Variants in PLXDC2 observed in about 807,000 individuals in gnomAD.
PLXDC2 encodes the protein plexin domain-containing protein 2.
PLXDC2 carries 40 observed loss-of-function variants against 68.9 expected under a neutral mutation model. The observed-to-expected ratio is 0.58, with a 90% CI of 0.45 to 0.76. PLXDC2 has a LOEUF of 0.76. PLXDC2 is among the 30% of genes least tolerant of loss of function. The pLI is 0.00. For missense variants in PLXDC2, 644 were observed against 661.9 expected (o/e 0.97, Z 0.30); for synonymous variants, 243 against 234.2 (o/e 1.04, Z -0.34).
intron 10 of PLXDC2, among the ~76,000 whole-genome samples, chr10:20,212,468 C>A (rs1289210501): frequency 6.6e-6 from 1 of 152,074 alleles, no homozygotes; most frequent in East Asian, 1.9e-4. Flanking sequence ...TTTATACTAT[C>A]ATTTCAAGAT....
At chr10:20,230,385 A>G (rs1174427562) in intron 12 of PLXDC2, among the ~76,000 whole-genome samples, 1 of 152,112 alleles carries the variant, frequency 6.6e-6, no homozygotes, top group Non-Finnish European at 1.5e-5. Context: ...AAGGAAAAAA[A>G]GGTGCCAGGC....
intron 13 of PLXDC2, among the ~76,000 whole-genome samples, chr10:20,250,596 T>C (rs1835663467): frequency 6.6e-6 from 1 of 152,166 alleles, no homozygotes; most frequent in African/African-American, 2.4e-5. Flanking sequence ...AGTCAGGATT[T>C]AAGCCCAGGC....
intron 1 of PLXDC2, among the ~76,000 whole-genome samples, chr10:19,818,149 G>GA (rs1317594618): frequency 1.3e-5 from 2 of 151,116 alleles, no homozygotes; most frequent in Admixed American, 6.6e-5. Context: ...AAAGAAAAAA[G>GA]AAAAAACTTG....
intron 13 of PLXDC2, among the ~76,000 whole-genome samples, chr10:20,279,268 C>T (rs1462344008): frequency 1.3e-5 from 2 of 152,078 alleles, no homozygotes; most frequent in Admixed American, 1.3e-4. Context: ...AATTTTTTGA[C>T]CTTAGTTTTT....
intron 3 of PLXDC2, among the ~76,000 whole-genome samples, chr10:20,048,516 A>G (rs1835836553): frequency 6.6e-6 from 1 of 152,116 alleles, no homozygotes; most frequent in Non-Finnish European, 1.5e-5. Context: ...TCTTTCTGGG[A>G]TCTATTGCAT....
At chr10:20,203,267 T>G (rs1834944541) in intron 9 of PLXDC2, among the ~76,000 whole-genome samples, 2 of 150,920 alleles carry the variant, frequency 1.3e-5, no homozygotes, top group Admixed American at 1.3e-4. Flanking sequence ...TTGCCTATTA[T>G]TTGGAGGAGA....
chr10:20,120,925 C>G (rs1352462029), intron 4 of PLXDC2, among the ~76,000 whole-genome samples: 1 of 152,096 alleles, frequency 6.6e-6, no homozygotes, highest in African/African-American at 2.4e-5. Flanking sequence ...ATCAATAAAT[C>G]AAGCATGATC....
intron 4 of PLXDC2, among the ~76,000 whole-genome samples, chr10:20,127,065 G>A (rs1227115250): frequency 6.6e-6 from 1 of 151,790 alleles, no homozygotes; most frequent in Non-Finnish European, 1.5e-5. Flanking sequence ...AAATTATTGG[G>A]ATACATTAGA....
intron 7 of PLXDC2, among the ~76,000 whole-genome samples, chr10:20,176,608 T>A (rs1834530294): frequency 6.6e-6 from 1 of 152,166 alleles, no homozygotes; most frequent in Non-Finnish European, 1.5e-5. Flanking sequence ...GTGAAACATT[T>A]CTAATTACCC....
At chr10:20,073,200 A>C (rs1460123398) in intron 4 of PLXDC2, among the ~76,000 whole-genome samples, 1 of 152,202 alleles carries the variant, frequency 6.6e-6, no homozygotes, top group Non-Finnish European at 1.5e-5. Flanking sequence ...TTCATGGTGA[A>C]TCCATGCTGT....
intron 12 of PLXDC2, among the ~76,000 whole-genome samples, chr10:20,243,935 T>G (rs993202721): frequency 3.9e-5 from 6 of 152,094 alleles, no homozygotes; most frequent in Non-Finnish European, 7.3e-5. Context: ...GGCAAGCGCC[T>G]GTAATCCCAG....
intron 12 of PLXDC2, among the ~76,000 whole-genome samples, chr10:20,219,415 A>G (rs1835182331): frequency 6.6e-6 from 1 of 152,196 alleles, no homozygotes; most frequent in South Asian, 2.1e-4. Context: ...CTACACAGCT[A>G]CAGGTATTGG....
chr10:19,834,759 A>C (rs1279389061), intron 1 of PLXDC2, among the ~76,000 whole-genome samples: 2 of 152,236 alleles, frequency 1.3e-5, no homozygotes, highest in African/African-American at 4.8e-5. Context: ...CTATACAAAC[A>C]TTTGCTAGAT....
chr10:20,069,174 T>G (rs1418840803), intron 4 of PLXDC2, among the ~76,000 whole-genome samples: 1 of 152,070 alleles, frequency 6.6e-6, no homozygotes, highest in African/African-American at 2.4e-5. Flanking sequence ...TTGCCATACT[T>G]TAATATAAGA....
In PLXDC2 at chr10:20,001,947, G is replaced by T; in HGVS notation, c.285G>T (p.Leu95=). The change falls in exon 2 of 14, where the codon CTG becomes CTT. Residue 95 remains leucine (L), a synonymous_variant. Coordinates refer to ENST00000377252, the MANE Select transcript of PLXDC2 (RefSeq NM_032812.9). ...DSPEPRSFTD[L]LLDDGQDNNT... The stretch of plus-strand genomic sequence containing the variant: ...CTGAGCCCAGAAGCTTCACAGACCT[G>T]CTGCTGGATGATGGGCAGGACAATA... 1 of 1,612,904 alleles carries T rather than the reference G, an allele frequency of 6.2e-7. No homozygotes were observed. The highest frequency in any genetic ancestry group is 1.9e-4 in the Middle Eastern group (1 of 5,180).
chr10:20,279,004 A>C (rs1462366436), intron 13 of PLXDC2, among the ~76,000 whole-genome samples: 3 of 152,202 alleles, frequency 2.0e-5, no homozygotes, highest in Non-Finnish European at 4.4e-5. Flanking sequence ...TCTTTTTGTC[A>C]ATACAAATAA....
chr10:19,928,966 G>C (rs928542527), intron 1 of PLXDC2, among the ~76,000 whole-genome samples: 11 of 151,628 alleles, frequency 7.3e-5, no homozygotes, highest in African/African-American at 1.9e-4. Flanking sequence ...TGTTGACCAG[G>C]CTTGTCTCGA....
chr10:20,249,736 A>G lies in PLXDC2; in HGVS notation c.1473+4231A>G, dbSNP rs74119584. On this transcript the variant is annotated intron_variant, in intron 13 of 13. Coordinates refer to ENST00000377252, the MANE Select transcript of PLXDC2 (RefSeq NM_032812.9). ...ATTGACACCTTTTGGAGATTAGGAC[A>G]TGGACATCTTTGGGAGGCCATTATT... Among the ~76,000 whole-genome samples, 715 of 152,306 alleles carry G rather than the reference A, an allele frequency of 4.7e-3. 2 individuals carry two copies. The highest frequency in any genetic ancestry group is 0.017 in the African/African-American group (688 of 41,548).
chr10:19,827,307 C>A (rs988419560), intron 1 of PLXDC2, among the ~76,000 whole-genome samples: 1 of 152,144 alleles, frequency 6.6e-6, no homozygotes, highest in Non-Finnish European at 1.5e-5. Flanking sequence ...TGGGACAAAC[C>A]GGTCCTCCTT....
Sources: allele counts gnomAD v4.1 joint callset (sites outside exome capture counted in the v4.1 genomes callset), GRCh38; gene constraint gnomAD v4.1.1; transcripts MANE v1.5; gene names NCBI Gene and HGNC (gene_info 2026-07-23, HGNC 2026-07-21).